The following NDUFAF6 variants were observed in gnomAD, a reference collection of about 807,000 sequenced individuals.
NDUFAF6 encodes NADH dehydrogenase (ubiquinone) complex I, assembly factor 6.
Under a neutral mutation model 40.8 loss-of-function variants are expected in NDUFAF6, and 45 were observed. The ratio of observed to expected loss-of-function variants is 1.10; its 90% confidence interval spans 0.87 to 1.42. The LOEUF (loss-of-function observed/expected upper bound fraction) is 1.42, where lower values mean the gene tolerates loss of function less well. Among genes scored for constraint, NDUFAF6 ranks in the 40% most tolerant of loss-of-function variants. The probability of loss-of-function intolerance (pLI) is 0.00; values close to 1 mark genes in which losing one functional copy is unlikely to be tolerated. For missense variants in NDUFAF6, 435 were observed against 418.5 expected, an observed-to-expected ratio of 1.04 and a Z score of -0.34; for synonymous variants, 185 against 155.9, an observed-to-expected ratio of 1.19 and a Z score of -1.39.
intron 2 of NDUFAF6, among the ~76,000 whole-genome samples, chr8:95,081,459 C>T (rs2923813): frequency 0.047 from 7,166 of 152,110 alleles, 207 homozygotes; most frequent in Non-Finnish European, 0.068. Flanking sequence ...CCTGAGCCAC[C>T]GCGCCTGGCT....
Position 94,909,348 on chromosome 8 carries a change from C to CAAAAAAAAAAA in NDUFAF6, c.-936+13445_-936+13455dup, listed in dbSNP as rs556065794. On this transcript the variant is annotated intron_variant, in intron 1 of 14. Transcript: ENST00000396113. ...TGGACGACAGAGGGAGACTCCGTCTCAAAAAAAAAAAAAAAAAAAAAAAAA... is the reference window on the plus strand; with the variant it reads ...TGGACGACAGAGGGAGACTCCGTCTCAAAAAAAAAAAAAAAAAAAAAAAAAAAAAAAAAAAA... 2.8e-4 allele frequency among the ~76,000 whole-genome samples: 26 copies of CAAAAAAAAAAA among 91,910 alleles called. 2 individuals are homozygous for CAAAAAAAAAAA. Among genetic ancestry groups the CAAAAAAAAAAA allele is most frequent in the African/African-American group, 9.7e-4 (19 of 19,650 alleles). 60.3% of individuals were successfully genotyped at this position (91,910 alleles called of 152,430 possible). A position where few individuals can be genotyped will look rare whatever the true frequency, so the allele number is the denominator to read the frequency against.
chr8:94,920,789 C>CGGGAT (rs947802277), intron 1 of NDUFAF6, among the ~76,000 whole-genome samples: 2 of 152,218 alleles, frequency 1.3e-5, no homozygotes, highest in African/African-American at 4.8e-5. Flanking sequence ...TCTCTATGAG[C>CGGGAT]ATCCCGCAGC....
chr8:94,927,800 A>G (rs1262649456), intron 1 of NDUFAF6: 2 of 152,562 alleles, frequency 1.3e-5, no homozygotes, highest in African/African-American at 2.4e-5. Flanking sequence ...TCCAAGTAAC[A>G]TTCTATGTTA....
chr8:94,964,767 G>A (rs11784212), intron 1 of NDUFAF6, among the ~76,000 whole-genome samples: 19,926 of 152,168 alleles, frequency 0.13, 1,641 homozygotes, highest in Middle Eastern at 0.23. Context: ...ATCTCCCACT[G>A]AGCCCCACTT....
Position 95,116,136 on chromosome 8 carries a change from T to TCAAAA in NDUFAF6, n.547-112_547-108dup, listed in dbSNP as rs142390614. The TCAAAA allele has an allele frequency of 1.6e-3, 262 of 159,118 alleles. 1 individual carries two copies. Among genetic ancestry groups the TCAAAA allele is most frequent in the African/African-American group, 4.1e-3 (169 of 41,246 alleles). 9.9% of individuals were successfully genotyped at this position (159,118 alleles called of 1,614,324 possible). On this transcript the variant is annotated intron_variant and non_coding_transcript_variant, in intron 5 of 5. Coordinates refer to the NDUFAF6 transcript ENST00000523184. ...CTGGGCGAAAGAGCGAAACTCCATCTCAAAACAAAACAAAACAAAACAAAA... is the reference window on the plus strand; with the variant it reads ...CTGGGCGAAAGAGCGAAACTCCATCTCAAAACAAAACAAAACAAAACAAAACAAAA...
chr8:95,090,743 G>A (rs1809221673), intron 2 of NDUFAF6, among the ~76,000 whole-genome samples: 1 of 152,134 alleles, frequency 6.6e-6, no homozygotes. Context: ...TTGAGTTGGT[G>A]GGCTGGGGAA....
chr8:94,970,253 CAAAA>C (rs891358442), intron 1 of NDUFAF6, among the ~76,000 whole-genome samples: 5 of 62,930 alleles, frequency 7.9e-5, no homozygotes, highest in Admixed American at 1.8e-4. Flanking sequence ...GACTCCGTCT[CAAAA>C]AAAAAAAAAA....
chr8:95,104,239 T>A (rs1226198425), downstream of NDUFAF6, among the ~76,000 whole-genome samples: 1 of 152,144 alleles, frequency 6.6e-6, no homozygotes, highest in East Asian at 1.9e-4. Flanking sequence ...AAATTCACAT[T>A]TCCTAGTTCT....
intron 6 of NDUFAF6, 87 bp from the exon 7 acceptor site, chr8:95,048,370 A>G: frequency 1.1e-6 from 1 of 909,100 alleles, no homozygotes; most frequent in South Asian, 1.4e-5. Flanking sequence ...AGTTAGTTTT[A>G]ATTGTTAGTT....
intron 1 of NDUFAF6, among the ~76,000 whole-genome samples, chr8:94,924,918 T>C (rs1819763221): frequency 6.6e-6 from 1 of 152,190 alleles, no homozygotes; most frequent in South Asian, 2.1e-4. Flanking sequence ...CATTTTTGTA[T>C]TTTTAGTAGA....
At chr8:94,935,176 T>TAGATAGATAGATAG (rs1563725845) in intron 1 of NDUFAF6, among the ~76,000 whole-genome samples, 2 of 80,898 alleles carry the variant, frequency 2.5e-5, no homozygotes, top group African/African-American at 8.9e-5. Context: ...TAGATAGATA[T>TAGATAGATAGATAG]AATACAATAC....
chr8:95,000,466 G>T (rs529260380), intron 2 of NDUFAF6, among the ~76,000 whole-genome samples: 1 of 152,070 alleles, frequency 6.6e-6, no homozygotes. Flanking sequence ...TACCCTCATA[G>T]AACCAAAAAT....
At chr8:95,090,293 A>T (rs1232893708) in intron 2 of NDUFAF6, among the ~76,000 whole-genome samples, 2 of 152,022 alleles carry the variant, frequency 1.3e-5, no homozygotes, top group African/African-American at 4.8e-5. Flanking sequence ...TAGGCCATTT[A>T]CCTAGCACGC....
intron 2 of NDUFAF6, among the ~76,000 whole-genome samples, chr8:94,983,154 C>G (rs766090054): frequency 2.0e-5 from 3 of 151,482 alleles, no homozygotes; most frequent in Non-Finnish European, 4.4e-5. Flanking sequence ...TACACAGAGG[C>G]AGATTTTCCA....
Position 95,057,865 on chromosome 8 carries a change from CCCA to C in NDUFAF6, c.931_933del (p.Pro311del). The C allele has an allele frequency of 6.2e-7, 1 of 1,607,740 alleles. No individual in the cohort carries two copies. Among genetic ancestry groups the C allele is most frequent in the African/African-American group, 1.3e-5 (1 of 74,828 alleles). ...AGCGAGTGGATTTTGATATATTCCA[CCCA>C]TCTTTACAGCAGAAGAATACATTAC... On this transcript the variant is annotated inframe_deletion, in exon 9 of 9. Transcript: ENST00000396124.
intron 4 of NDUFAF6, among the ~76,000 whole-genome samples, chr8:95,114,003 T>G: frequency 1.9e-5 from 2 of 104,182 alleles, no homozygotes; most frequent in Non-Finnish European, 3.8e-5. Flanking sequence ...CTGGGGACTG[T>G]TGTGGGATGG....
At chr8:95,109,228 A>G (rs1184973467) in intron 4 of NDUFAF6, among the ~76,000 whole-genome samples, 2 of 152,232 alleles carry the variant, frequency 1.3e-5, no homozygotes, top group East Asian at 1.9e-4. Flanking sequence ...TAGTTGGGCA[A>G]TAGAAATCAA....
chr8:95,057,661 C>G (rs1832355856), intron 8 of NDUFAF6, 148 bp from the exon 9 acceptor site: 1 of 650,256 alleles, frequency 1.5e-6, no homozygotes, highest in Non-Finnish European at 2.6e-6. Flanking sequence ...CTTTTTCTTT[C>G]TCTCTTTTAA....
intron 2 of NDUFAF6, among the ~76,000 whole-genome samples, chr8:94,996,988 T>C (rs907440407): frequency 6.6e-6 from 1 of 152,160 alleles, no homozygotes; most frequent in Non-Finnish European, 1.5e-5. Context: ...ACCTGGTGGT[T>C]TGTTATGGCA....
Sources: gnomAD v4.1 joint callset for allele counts (sites outside exome capture counted in the v4.1 genomes callset) on GRCh38, gnomAD v4.1.1 for gene constraint, MANE v1.5 for transcripts, NCBI Gene and HGNC (gene_info 2026-07-23, HGNC 2026-07-21) for gene names.